LMBRD1: variants seen among roughly 807,000 people sequenced by gnomAD.
LMBRD1 encodes LMBR1 domain containing 1.
A neutral mutation model predicts 74.8 loss-of-function variants in LMBRD1; 64 were observed. That is an observed-to-expected ratio of 0.86 (90% CI 0.70 to 1.05). The LOEUF is 1.05. LMBRD1 is among the 50% of genes least tolerant of loss of function. LMBRD1 has a pLI of 0.00. For missense variants in LMBRD1, 652 were observed against 645.9 expected, an observed-to-expected ratio of 1.01 and a Z score of -0.10; for synonymous variants, 204 against 216.3, an observed-to-expected ratio of 0.94 and a Z score of 0.50.
intron 8 of LMBRD1, among the ~76,000 whole-genome samples, chr6:69,718,461 C>T (rs55678902): frequency 0.094 from 14,269 of 152,076 alleles, 847 homozygotes; most frequent in Non-Finnish European, 0.14. Context: ...TGTAAGGGTA[C>T]TGTATTAGTC....
At chr6:69,777,726 G>C (rs1474837203) in intron 3 of LMBRD1, among the ~76,000 whole-genome samples, 2 of 151,664 alleles carry the variant, frequency 1.3e-5, no homozygotes, top group East Asian at 1.9e-4. Flanking sequence ...AACTAGATAA[G>C]ATTTTGAATG....
rs540556766 is a variant in LMBRD1 at position 69,685,366 on chromosome 6, C to CT, written c.1418-8826dup. On this transcript the variant is annotated intron_variant, in intron 14 of 15. Transcript: ENST00000649934. ...ATAGTAGTAGTCCTTAAATCCTAGA[C>CT]TGAATTTATCAGATGATGTGAGGGG... Among the ~76,000 whole-genome samples, 173 of 152,250 alleles carry CT rather than the reference C, an allele frequency of 1.1e-3. 1 individual carries two copies. The South Asian group carries it at 0.017, about 15-fold the overall frequency.
chr6:69,680,121 A>C (rs1358253319), intron 14 of LMBRD1, among the ~76,000 whole-genome samples: 1 of 152,178 alleles, frequency 6.6e-6, no homozygotes, highest in Non-Finnish European at 1.5e-5. Flanking sequence ...ACACTGCTAA[A>C]TATACCTTTA....
chr6:69,791,748 C>T (rs1464681850), intron 1 of LMBRD1, among the ~76,000 whole-genome samples: 1 of 152,162 alleles, frequency 6.6e-6, no homozygotes, highest in Admixed American at 6.6e-5. Context: ...CAGAAAATTC[C>T]TTTGTCCCTT....
chr6:69,693,901 C>T (rs1765941851), intron 14 of LMBRD1, among the ~76,000 whole-genome samples: 1 of 151,960 alleles, frequency 6.6e-6, no homozygotes, highest in African/African-American at 2.4e-5. Flanking sequence ...GCAAATTTAA[C>T]ATTTAGAGAT....
intron 3 of LMBRD1, among the ~76,000 whole-genome samples, chr6:69,767,666 T>C (rs1765498687): frequency 1.3e-5 from 2 of 151,916 alleles, no homozygotes; most frequent in Non-Finnish European, 1.5e-5. Flanking sequence ...TCAATTGTGT[T>C]CTGCATCCAT....
intron 6 of LMBRD1, among the ~76,000 whole-genome samples, chr6:69,740,400 G>A (rs542334520): frequency 1.3e-5 from 2 of 152,282 alleles, no homozygotes; most frequent in East Asian, 3.9e-4. Context: ...TATAACTTAT[G>A]AAATAATGTT....
At chr6:69,697,678 C>G in intron 13 of LMBRD1, 37 bp from the exon 14 acceptor site, 1 of 1,219,120 alleles carries the variant, frequency 8.2e-7, no homozygotes. Flanking sequence ...ATAAAAACCG[C>G]ATTAATAAAT....
rs148910699 is a variant in LMBRD1, at chr6:69,741,842, T to G, written c.509A>C (p.Asn170Thr). ...CTTCACTTTTTCCCACTCTGTAGAA[T>G]TTTTGTTATTGGGAACATTCAATGG... is the stretch of plus-strand genomic sequence containing the variant. ...FVPLNVPNNK[N>T]STEWEKVKSL... Residue 170 changes from asparagine to threonine, a missense_variant, in exon 6 of 16, where the codon AAT (asparagine) becomes ACT (threonine). Transcript: ENST00000649934. 3.7e-6 allele frequency: 6 copies of G among 1,605,694 alleles called. No individual in the cohort carries two copies. The African/African-American group carries it at 8.0e-5, about 21-fold the overall frequency.
At chr6:69,710,770 G>A (rs1216136714) in intron 9 of LMBRD1, among the ~76,000 whole-genome samples, 2 of 152,168 alleles carry the variant, frequency 1.3e-5, no homozygotes, top group Non-Finnish European at 2.9e-5. Context: ...ACTGTGAGAT[G>A]CTACTGCATA....
chr6:69,742,495 C>T (rs1767126250), intron 5 of LMBRD1, among the ~76,000 whole-genome samples: 1 of 152,064 alleles, frequency 6.6e-6, no homozygotes, highest in Non-Finnish European at 1.5e-5. Flanking sequence ...GCTCTATGAT[C>T]TTAGACTGGG....
Position 69,699,166 on chromosome 6 carries a change from G to C in LMBRD1, c.1215C>G (p.Thr405=), listed in dbSNP as rs1402550503. The change falls in exon 13 of 16, where the codon ACC becomes ACG. Residue 405 remains threonine, a synonymous_variant. Coordinates refer to ENST00000649934, the MANE Select transcript of LMBRD1 (RefSeq NM_018368.4). ...AGAGAAAAAGGAGTGCTTGGGGCCT[G>C]GTTCTACCTCTTCTGATTTTATATA... ...IRLYKIRRGR[T]RPQALLFLCM... 7 of 1,611,598 alleles carry C rather than the reference G, an allele frequency of 4.3e-6. No individual in the cohort carries two copies. Among genetic ancestry groups the C allele is most frequent in the Non-Finnish European group, 5.9e-6 (7 of 1,178,220 alleles).
intron 5 of LMBRD1, 24 bp downstream of exon 5, chr6:69,749,317 T>TAA: frequency 3.8e-5 from 47 of 1,225,172 alleles, no homozygotes; most frequent in South Asian, 1.4e-4. Context: ...TTTCATGGTT[T>TAA]AAAAAAAAAA....
At chr6:69,696,261 T>C (rs1489944238) in intron 14 of LMBRD1, among the ~76,000 whole-genome samples, 1 of 152,216 alleles carries the variant, frequency 6.6e-6, no homozygotes, top group African/African-American at 2.4e-5. Flanking sequence ...CACACCCTCA[T>C]GACCACTGTT....
At chr6:69,786,299 G>A (rs1765943703) in intron 2 of LMBRD1, among the ~76,000 whole-genome samples, 1 of 152,158 alleles carries the variant, frequency 6.6e-6, no homozygotes, top group Non-Finnish European at 1.5e-5. Context: ...GAATGAGGGA[G>A]CAGTAGAGTT....
At chr6:69,771,707 A>C (rs1765580735) in intron 3 of LMBRD1, among the ~76,000 whole-genome samples, 1 of 152,152 alleles carries the variant, frequency 6.6e-6, no homozygotes, top group Non-Finnish European at 1.5e-5. Flanking sequence ...ATTTCCTCTG[A>C]ATTACATGGG....
chr6:69,689,861 A>G (rs1040327855), intron 14 of LMBRD1, among the ~76,000 whole-genome samples: 4 of 152,102 alleles, frequency 2.6e-5, no homozygotes, highest in Non-Finnish European at 5.9e-5. Flanking sequence ...GCTGGAGTAG[A>G]CAGGTAAATC....
chr6:69,748,293 G>A (rs971846361), intron 5 of LMBRD1, among the ~76,000 whole-genome samples: 32 of 152,082 alleles, frequency 2.1e-4, no homozygotes, highest in African/African-American at 7.2e-4. Context: ...AAGGGACCTC[G>A]ATGTTAACAA....
chr6:69,729,407 C>G (rs569482861), intron 7 of LMBRD1, among the ~76,000 whole-genome samples: 1 of 151,820 alleles, frequency 6.6e-6, no homozygotes, highest in South Asian at 2.1e-4. Flanking sequence ...CTTGGCTGAA[C>G]AGATTTCTAG....
Sources: gnomAD v4.1 joint callset for allele counts (sites outside exome capture counted in the v4.1 genomes callset) on GRCh38, gnomAD v4.1.1 for gene constraint, MANE v1.5 for transcripts, NCBI Gene and HGNC (gene_info 2026-07-23, HGNC 2026-07-21) for gene names.